Variants in PSMD3 observed in about 807,000 individuals in gnomAD.
PSMD3 encodes proteasome 26S subunit, non-ATPase 3, also known as 26S proteasome non-ATPase regulatory subunit 3.
PSMD3 carries 5 observed loss-of-function variants against 62.8 expected under a neutral mutation model. The observed-to-expected ratio is 0.08, with a 90% CI of 0.04 to 0.17. The LOEUF (loss-of-function observed/expected upper bound fraction) is 0.17. Among genes scored for constraint, PSMD3 ranks in the 10% least tolerant of loss-of-function variants. The pLI is 1.00. For missense variants in PSMD3, 524 were observed against 713.6 expected, an observed-to-expected ratio of 0.73 and a Z score of 3.03; for synonymous variants, 265 against 283.9, an observed-to-expected ratio of 0.93 and a Z score of 0.67.
chr17:39,995,129 G>A lies in PSMD3; in HGVS notation c.1097-47G>A. ...CCCCCTTCAGTGGGGCCTCTTACAT[G>A]CCTGTGCCTATTTGCATCATCCAAT... On this transcript the variant is annotated intron_variant, in intron 7 of 11. Transcript: ENST00000264639. The surrounding 1 kb of genome is among the most constrained non-coding windows in gnomAD (Gnocchi z 4.1). 6.2e-7 allele frequency: 1 copy of A among 1,613,928 alleles called. No homozygotes were observed. The highest frequency in any genetic ancestry group is 1.7e-5 in the Admixed American group (1 of 60,006).
rs1430930822 is a variant in PSMD3 at position 39,989,889 on chromosome 17, G to A, written c.837G>A (p.Gln279=). ...KLVSKSVFPE[Q]ANNNEWARYL... is the part of the protein sequence containing the mutation. ...TGTCCAAGTCTGTGTTCCCAGAGCA[G>A]GCCAACAACAATGAGTGGGCCAGGT... Residue 279 remains glutamine, a synonymous_variant, in exon 5 of 12, where the codon CAG becomes CAA. Transcript: ENST00000264639. The A allele has an allele frequency of 6.2e-7, 1 of 1,614,136 alleles. No individual in the cohort carries two copies. Among genetic ancestry groups the A allele is most frequent in the South Asian group, 1.1e-5 (1 of 91,080 alleles).
intron 6 of PSMD3, chr17:39,994,137 CAT>C (rs1238368914): frequency 1.3e-5 from 2 of 152,270 alleles, no homozygotes; most frequent in African/African-American, 2.4e-5. Flanking sequence ...TCCCCTCACA[CAT>C]GAGTTATTCC....
intron 1 of PSMD3, among the ~76,000 whole-genome samples, chr17:39,981,794 A>G (rs866496742): frequency 9.2e-5 from 14 of 152,146 alleles, no homozygotes; most frequent in Middle Eastern, 3.2e-3. Flanking sequence ...GTTTAAGTAC[A>G]TACACACTTA....
chr17:39,992,391 C>T (rs1371265242), intron 6 of PSMD3, among the ~76,000 whole-genome samples: 3 of 152,146 alleles, frequency 2.0e-5, no homozygotes, highest in Admixed American at 1.3e-4. Flanking sequence ...CACACCTTTG[C>T]CGTACCCCTG....
In PSMD3 at chr17:39,980,983, G is replaced by A. The variant is rs777524330; in HGVS notation, c.13G>A (p.Gly5Ser). The A allele has an allele frequency of 3.5e-5, 54 of 1,544,546 alleles. No homozygotes were observed. Among genetic ancestry groups the A allele is most frequent in the Middle Eastern group, 2.2e-4 (1 of 4,644 alleles). MKQE[G>S]SARRRGADKA... ...GACCCCGGGTGCCATGAAGCAGGAG[G>A]GCTCGGCGCGGCGCCGCGGCGCGGA... is the stretch of plus-strand genomic sequence containing the variant. The change falls in exon 1 of 12, where the codon GGC becomes AGC. Residue 5 changes from glycine to serine, a missense_variant. By Grantham distance (56) the Gly-to-Ser change is moderately conservative. Transcript: ENST00000264639.
Position 39,997,944 on chromosome 17 carries a change from A to C in PSMD3, c.*363A>C. The C allele has an allele frequency of 3.3e-6, 1 of 305,248 alleles. No individual in the cohort carries two copies. The highest frequency in any genetic ancestry group is 6.4e-6 in the Non-Finnish European group (1 of 157,458). The allele number at this position is 305,248 out of a possible 1,614,324, so 18.9% of individuals were successfully genotyped here. Reference sequence around the variant, plus strand: ...TTCGATTATGATTTTTAAACAATAAAAAGTTCTCCACAGTGCTTTGTGCAT... The same window carrying C: ...TTCGATTATGATTTTTAAACAATAACAAGTTCTCCACAGTGCTTTGTGCAT... On this transcript the variant is annotated 3_prime_UTR_variant, in exon 12 of 12. Coordinates refer to ENST00000264639, the MANE Select transcript of PSMD3 (RefSeq NM_002809.4).
chr17:39,997,016 G>C (rs573608810), intron 10 of PSMD3, among the ~76,000 whole-genome samples: 1 of 152,264 alleles, frequency 6.6e-6, no homozygotes, highest in East Asian at 1.9e-4. Context: ...CCCACTGGGT[G>C]CAGGCCAGGC....
Position 39,991,498 on chromosome 17 carries a change from G to A in PSMD3, c.981+1301G>A, listed in dbSNP as rs190254006. 4.5e-4 allele frequency among the ~76,000 whole-genome samples: 69 copies of A among 152,246 alleles called. 1 individual carries two copies. Among genetic ancestry groups the A allele is most frequent in the African/African-American group, 1.5e-3 (62 of 41,556 alleles). On this transcript the variant is annotated intron_variant, in intron 6 of 11. Transcript: ENST00000264639. The stretch of plus-strand genomic sequence containing the variant: ...AGAGTATTTCAAAGAGATAAAGAAT[G>A]TTGTGTCAGAAAGCTTGAGGGTGTA...
chr17:39,981,999 G>A (rs2144806059), intron 1 of PSMD3, among the ~76,000 whole-genome samples: 1 of 152,334 alleles, frequency 6.6e-6, no homozygotes, highest in South Asian at 2.1e-4. Context: ...GGCAAAGTGA[G>A]AGCTTCCCAC....
intron 1 of PSMD3, among the ~76,000 whole-genome samples, chr17:39,982,325 A>G (rs2144806299): frequency 6.6e-6 from 1 of 152,364 alleles, no homozygotes; most frequent in South Asian, 2.1e-4. Flanking sequence ...AAAGTAATTC[A>G]TATTCATTGC....
At position 39,992,518 on chromosome 17, in the gene PSMD3, G is replaced by A. The variant is rs375932241; in HGVS notation, c.981+2321G>A. Among the ~76,000 whole-genome samples, 242 of 152,316 alleles carry A rather than the reference G, an allele frequency of 1.6e-3. 2 individuals are homozygous for A. Among genetic ancestry groups the A allele is most frequent in the African/African-American group, 5.4e-3 (225 of 41,578 alleles). On this transcript the variant is annotated intron_variant, in intron 6 of 11. Transcript: ENST00000264639. ...GCCAGTGCTGCTGGTGGCACAGAGC[G>A]CTCTGAGGAGGGCGGTGCTGGCTCA...
At chr17:39,988,174 A>C (rs1196860741) in intron 3 of PSMD3, among the ~76,000 whole-genome samples, 5 of 152,180 alleles carry the variant, frequency 3.3e-5, no homozygotes, top group African/African-American at 1.2e-4. Context: ...ATCCACCCCT[A>C]ATTCCAGAAC....
chr17:39,988,775 C>G lies in PSMD3; in HGVS notation c.642C>G (p.His214Gln), dbSNP rs778189934. 1 of 1,613,974 alleles carries G rather than the reference C, an allele frequency of 6.2e-7. No individual in the cohort carries two copies. The highest frequency in any genetic ancestry group is 8.5e-7 in the Non-Finnish European group (1 of 1,180,020). ...DLVAAKCYYY[H>Q]ARVYEFLDKL... The stretch of plus-strand genomic sequence containing the variant: ...TAGCCGCAAAGTGTTACTATTATCA[C>G]GCCCGGGTCTATGAGTTCCTGGACA... The change falls in exon 4 of 12, where the codon CAC becomes CAG. Residue 214 changes from histidine to glutamine, a missense_variant. By Grantham distance (24) the His-to-Gln change is conservative. Transcript: ENST00000264639.
chr17:39,984,068 C>T (rs979318705), intron 1 of PSMD3, among the ~76,000 whole-genome samples: 8 of 151,952 alleles, frequency 5.3e-5, no homozygotes, highest in African/African-American at 9.7e-5. Context: ...GGCGTGGTGG[C>T]GGGTGCCTGT....
At chr17:39,987,640 G>A (rs1040967604) in intron 3 of PSMD3, among the ~76,000 whole-genome samples, 2 of 152,108 alleles carry the variant, frequency 1.3e-5, no homozygotes, top group Admixed American at 6.5e-5. Context: ...GAGCCACTGC[G>A]CCTGGCCCAC....
At chr17:39,982,185 G>A (rs1156355522) in intron 1 of PSMD3, among the ~76,000 whole-genome samples, 1 of 152,238 alleles carries the variant, frequency 6.6e-6, no homozygotes, top group African/African-American at 2.4e-5. Context: ...AGCTCTTACT[G>A]TAAAGTTGAG....
chr17:39,980,874 C>A lies in PSMD3; in HGVS notation c.-97C>A. On this transcript the variant is annotated 5_prime_UTR_variant, in exon 1 of 12. Transcript: ENST00000264639. Reference sequence around the variant, plus strand: ...TCGTGCGGCCCGACGCTATCTCGCGCTCGTGTGCAGGCCCGGCTCGGCTCC... The same window carrying A: ...TCGTGCGGCCCGACGCTATCTCGCGATCGTGTGCAGGCCCGGCTCGGCTCC... 1 of 1,120,202 alleles carries A rather than the reference C, an allele frequency of 8.9e-7. No homozygotes were observed. The highest frequency in any genetic ancestry group is 1.2e-6 in the Non-Finnish European group (1 of 821,244). 69.4% of individuals were successfully genotyped at this position (1,120,202 alleles called of 1,614,324 possible).
At chr17:39,992,359 A>AGCCCTCT (rs781114076) in intron 6 of PSMD3, among the ~76,000 whole-genome samples, 1 of 152,138 alleles carries the variant, frequency 6.6e-6, no homozygotes. Context: ...GCCTGCAACC[A>AGCCCTCT]GCCCTCTGCC....
chr17:39,990,644 C>G (rs571714846), intron 6 of PSMD3, among the ~76,000 whole-genome samples: 53 of 152,174 alleles, frequency 3.5e-4, no homozygotes, highest in Non-Finnish European at 6.6e-4. Context: ...CAGACACTAC[C>G]TGCACCTCTG....
Sources: gnomAD v4.1 joint callset for allele counts (sites outside exome capture counted in the v4.1 genomes callset) on GRCh38, gnomAD v4.1.1 for gene constraint, Gnocchi (gnomAD v3.1) non-coding constraint, MANE v1.5 for transcripts, NCBI Gene and HGNC (gene_info 2026-07-23, HGNC 2026-07-21) for gene names.